The following STPG2 variants were observed in gnomAD, a reference collection of about 807,000 sequenced individuals.
STPG2 encodes the protein sperm tail PG-rich repeat containing 2, also known as sperm-tail PG-rich repeat-containing protein 2.
A neutral mutation model predicts 54.2 loss-of-function variants in STPG2; 56 were observed. The observed-to-expected ratio is 1.03, with a 90% CI of 0.83 to 1.29. STPG2 has a LOEUF of 1.29. Ranked by LOEUF, STPG2 falls within the 50% of genes most tolerant of loss-of-function variation. STPG2 has a pLI of 0.00. For synonymous variants in STPG2, 200 were observed against 181.8 expected (o/e 1.10, Z -0.81); for missense variants, 596 against 544.9 (o/e 1.09, Z -0.93).
At chr4:97,859,008 C>T (rs1477046468) in intron 8 of STPG2, among the ~76,000 whole-genome samples, 1 of 152,160 alleles carries the variant, frequency 6.6e-6, no homozygotes, top group Non-Finnish European at 1.5e-5. Context: ...GTTTACATTC[C>T]CAACAGCAGT....
intron 9 of STPG2, among the ~76,000 whole-genome samples, chr4:97,750,279 T>C (rs1205945306): frequency 6.6e-6 from 1 of 151,748 alleles, no homozygotes; most frequent in African/African-American, 2.4e-5. Context: ...ACCCAAACAG[T>C]CTACATTCCA....
chr4:97,757,679 A>G (rs1358869272), intron 9 of STPG2, among the ~76,000 whole-genome samples: 15 of 152,208 alleles, frequency 9.9e-5, no homozygotes. Flanking sequence ...AAAAATATCA[A>G]GTTTCCAAAC....
intron 7 of STPG2, among the ~76,000 whole-genome samples, chr4:97,944,505 A>G (rs1481456835): frequency 6.6e-6 from 1 of 152,094 alleles, no homozygotes; most frequent in Non-Finnish European, 1.5e-5. Context: ...AATAGGCTAG[A>G]GGAATCTAGT....
At chr4:97,869,669 C>A (rs148802533) in intron 8 of STPG2, among the ~76,000 whole-genome samples, 2 of 151,384 alleles carry the variant, frequency 1.3e-5, no homozygotes. Flanking sequence ...TCAACCAGAC[C>A]CTGCCACTTT....
At chr4:97,667,484 T>G (rs1316759570) in intron 10 of STPG2, among the ~76,000 whole-genome samples, 8 of 152,212 alleles carry the variant, frequency 5.3e-5, no homozygotes, top group South Asian at 2.1e-4. Flanking sequence ...CCCAAAGTAC[T>G]AATTTATCTC....
chr4:97,642,857 AT>A (rs1721802683), intron 10 of STPG2, among the ~76,000 whole-genome samples: 1 of 151,552 alleles, frequency 6.6e-6, no homozygotes, highest in African/African-American at 2.4e-5. Flanking sequence ...TTAGAAAAAA[AT>A]AATCAAAACA....
intron 8 of STPG2, among the ~76,000 whole-genome samples, chr4:97,881,091 G>GAA (rs773148147): frequency 7.1e-6 from 1 of 141,150 alleles, no homozygotes; most frequent in African/African-American, 2.6e-5. Flanking sequence ...TACATGTAAA[G>GAA]AAAAAAAAAA....
At chr4:97,741,163 T>C (rs1169327230) in intron 9 of STPG2, among the ~76,000 whole-genome samples, 2 of 152,234 alleles carry the variant, frequency 1.3e-5, no homozygotes, top group South Asian at 2.1e-4. Context: ...TAGCCATATG[T>C]AGAAAGCTGA....
chr4:97,850,653 GT>G (rs200479296), intron 8 of STPG2, among the ~76,000 whole-genome samples: 3,784 of 152,004 alleles, frequency 0.025, 78 homozygotes, highest in Middle Eastern at 0.037. Context: ...AAGAGAAAGG[GT>G]AAAAACCAAA....
chr4:98,074,564 T>C (rs1738101839), intron 5 of STPG2, among the ~76,000 whole-genome samples: 2 of 152,188 alleles, frequency 1.3e-5, no homozygotes, highest in Non-Finnish European at 2.9e-5. Flanking sequence ...ATTACACATA[T>C]GTTCCAATGT....
intron 4 of STPG2, among the ~76,000 whole-genome samples, chr4:97,493,735 A>T (rs906165649): frequency 1.1e-4 from 17 of 151,546 alleles, no homozygotes; most frequent in African/African-American, 4.1e-4. Flanking sequence ...GTACTAAAGG[A>T]GATACTGTTC....
chr4:97,880,775 T>C (rs1280467724), intron 8 of STPG2, among the ~76,000 whole-genome samples: 4 of 152,078 alleles, frequency 2.6e-5, no homozygotes, highest in Non-Finnish European at 4.4e-5. Flanking sequence ...AGAAAGGGAA[T>C]ATACTCAAAT....
chr4:97,498,521 G>T (rs1730657706), intron 4 of STPG2, among the ~76,000 whole-genome samples: 1 of 151,400 alleles, frequency 6.6e-6, no homozygotes, highest in Non-Finnish European at 1.5e-5. Flanking sequence ...TGTTCACATT[G>T]AAACTAAAGA....
intron 10 of STPG2, among the ~76,000 whole-genome samples, chr4:97,620,899 C>A (rs1258601132): frequency 6.6e-6 from 1 of 151,950 alleles, no homozygotes; most frequent in Non-Finnish European, 1.5e-5. Flanking sequence ...CAATCCTCAA[C>A]AAATTTAAAA....
chr4:97,534,432 T>C (rs1731483987), intron 4 of STPG2, among the ~76,000 whole-genome samples: 1 of 152,110 alleles, frequency 6.6e-6, no homozygotes. Flanking sequence ...TATAATCCAC[T>C]TCAAGTTAAA....
chr4:97,964,232 G>A (rs192205777), intron 7 of STPG2, among the ~76,000 whole-genome samples: 21 of 152,278 alleles, frequency 1.4e-4, no homozygotes, highest in African/African-American at 4.1e-4. Context: ...TCTTACTGGG[G>A]ACAAGGCAGA....
chr4:98,025,769 G>A (rs959192995), intron 5 of STPG2: 103 of 1,569,200 alleles, frequency 6.6e-5, no homozygotes, highest in Admixed American at 1.2e-4. Context: ...GACTGGCGAT[G>A]AATACAATGT....
chr4:98,070,382 A>T (rs1560665335), intron 5 of STPG2, among the ~76,000 whole-genome samples: 1 of 151,884 alleles, frequency 6.6e-6, no homozygotes, highest in Non-Finnish European at 1.5e-5. Flanking sequence ...TAATAAGAGA[A>T]ATATATGACA....
intron 10 of STPG2, among the ~76,000 whole-genome samples, chr4:97,581,468 T>C (rs1376988199): frequency 6.6e-6 from 1 of 152,106 alleles, no homozygotes; most frequent in African/African-American, 2.4e-5. Flanking sequence ...TAAAAGCAGA[T>C]TAGGCAGTGT....
Sources: gnomAD v4.1 joint callset for allele counts (sites outside exome capture counted in the v4.1 genomes callset) on GRCh38, gnomAD v4.1.1 for gene constraint, MANE v1.5 for transcripts, NCBI Gene and HGNC (gene_info 2026-07-23, HGNC 2026-07-21) for gene names.